Variants in MAP3K1 observed in about 807,000 individuals in gnomAD.
The protein encoded by MAP3K1 is mitogen-activated protein kinase kinase kinase 1, also known as MAP/ERK kinase kinase 1.
In MAP3K1, 36 loss-of-function variants were observed where a neutral mutation model predicts 144.2. The observed-to-expected ratio is 0.25, with a 90% CI of 0.19 to 0.33. The LOEUF (loss-of-function observed/expected upper bound fraction) is 0.33. Among genes scored for constraint, MAP3K1 ranks in the 10% least tolerant of loss-of-function variants. The pLI is 1.00. For missense variants in MAP3K1, 1,650 were observed against 1,881.9 expected (o/e 0.88, Z 2.28); for synonymous variants, 718 against 688.7 (o/e 1.04, Z -0.67).
At chr5:56,840,151 G>GT (rs1363561362) in intron 1 of MAP3K1, among the ~76,000 whole-genome samples, 1 of 152,026 alleles carries the variant, frequency 6.6e-6, no homozygotes, top group African/African-American at 2.4e-5. Flanking sequence ...TTGTTTGTTT[G>GT]TTTTTTGTTT....
Position 56,894,828 on chromosome 5 carries a change from T to TGTGTTCAGAAA in MAP3K1, c.*1149_*1150insTGTTCAGAAAG, listed in dbSNP as rs1748655387. ...ATGTTTTTAAACAGTACATTTGCTTTGAACTTGGAAAATGTGTTCAGAAAG... is the reference window on the plus strand; with the variant it reads ...ATGTTTTTAAACAGTACATTTGCTTTGTGTTCAGAAAGAACTTGGAAAATGTGTTCAGAAAG... On this transcript the variant is annotated 3_prime_UTR_variant, in exon 20 of 20. Transcript: ENST00000399503. The TGTGTTCAGAAA allele has an allele frequency of 4.3e-6, 1 of 232,070 alleles. No individual in the cohort carries two copies. The highest frequency in any genetic ancestry group is 2.2e-5 in the African/African-American group (1 of 45,316). 14.4% of individuals were successfully genotyped at this position (232,070 alleles called of 1,614,324 possible). A position where few individuals can be genotyped will look rare whatever the true frequency, so the allele number is the denominator to read the frequency against.
At chr5:56,847,699 A>G (rs1030181574) in intron 1 of MAP3K1, among the ~76,000 whole-genome samples, 2 of 152,256 alleles carry the variant, frequency 1.3e-5, no homozygotes, top group Non-Finnish European at 2.9e-5. Context: ...TAATCATAAA[A>G]TAATCTTGAA....
intron 1 of MAP3K1, among the ~76,000 whole-genome samples, chr5:56,845,044 C>T (rs1746947500): frequency 6.6e-6 from 1 of 152,190 alleles, no homozygotes; most frequent in South Asian, 2.1e-4. Flanking sequence ...GTTATCCCCT[C>T]TTCTCCTTTA....
In MAP3K1 at chr5:56,864,616, G is replaced by T. The variant is rs12657005; in HGVS notation, c.835-118G>T. The T allele has an allele frequency of 9.9e-5, 98 of 987,894 alleles. No individual in the cohort carries two copies. The East Asian group carries it at 1.7e-3, about 18-fold the overall frequency. The allele number at this position is 987,894 out of a possible 1,614,324, so 61.2% of individuals were successfully genotyped here. A position where few individuals can be genotyped will look rare whatever the true frequency, so the allele number is the denominator to read the frequency against. On this transcript the variant is annotated intron_variant, in intron 3 of 19. Transcript: ENST00000399503. ...TCTGGATCTCCTGACCTCATGATCCGCCCTCCTCGGCCTCCCAAAGTGCTG... is the reference window on the plus strand; with the variant it reads ...TCTGGATCTCCTGACCTCATGATCCTCCCTCCTCGGCCTCCCAAAGTGCTG...
At chr5:56,846,314 A>T (rs985402754) in intron 1 of MAP3K1, among the ~76,000 whole-genome samples, 2 of 152,220 alleles carry the variant, frequency 1.3e-5, no homozygotes, top group Admixed American at 6.5e-5. Context: ...GTCTTAGGTC[A>T]CAATAGAACT....
In MAP3K1 at chr5:56,838,534, A is replaced by T. The variant is rs185761352; in HGVS notation, c.483-18066A>T. On this transcript the variant is annotated intron_variant, in intron 1 of 19. Transcript: ENST00000399503. ...TAATGATTCAGACTATATTTAGGAC[A>T]GGATGTTAGAGTTAATGTGCCTTCT... Among the ~76,000 whole-genome samples, 7 of 152,358 alleles carry T rather than the reference A, an allele frequency of 4.6e-5. No homozygotes were observed. In the East Asian group the frequency reaches 1.2e-3, roughly 25 times the overall value.
intron 1 of MAP3K1, among the ~76,000 whole-genome samples, chr5:56,816,824 G>T (rs75307949): frequency 6.6e-6 from 1 of 152,254 alleles, no homozygotes; most frequent in Non-Finnish European, 1.5e-5. Context: ...AATGCGAACT[G>T]CACTGCTAAG....
At chr5:56,848,993 A>G (rs964723697) in intron 1 of MAP3K1, among the ~76,000 whole-genome samples, 2 of 152,244 alleles carry the variant, frequency 1.3e-5, no homozygotes, top group African/African-American at 4.8e-5. Flanking sequence ...ATGTTTGCAC[A>G]CAATACTTAA....
chr5:56,889,359 G>A (rs1318254896), intron 19 of MAP3K1, among the ~76,000 whole-genome samples: 2 of 152,094 alleles, frequency 1.3e-5, no homozygotes, highest in African/African-American at 4.8e-5. Context: ...AGTAGAGATG[G>A]AGTTTCACCA....
At chr5:56,892,699 A>G (rs1748583967) in intron 19 of MAP3K1, among the ~76,000 whole-genome samples, 1 of 152,206 alleles carries the variant, frequency 6.6e-6, no homozygotes, top group Non-Finnish European at 1.5e-5. Context: ...AATTATTTTT[A>G]GGAATGCATT....
At chr5:56,871,728 G>A (rs915275206) in intron 6 of MAP3K1, among the ~76,000 whole-genome samples, 182 bp from the exon 7 acceptor site, 2 of 152,118 alleles carry the variant, frequency 1.3e-5, no homozygotes, top group African/African-American at 4.8e-5. Flanking sequence ...AAATACTCGT[G>A]TGTTAATCTG....
intron 1 of MAP3K1, among the ~76,000 whole-genome samples, chr5:56,846,347 A>T (rs1268993903): frequency 6.6e-6 from 1 of 152,212 alleles, no homozygotes; most frequent in Non-Finnish European, 1.5e-5. Flanking sequence ...GCTTCATTCT[A>T]GTCCAATTTG....
Position 56,882,720 on chromosome 5 carries a change from A to C in MAP3K1, c.3520A>C (p.Asn1174His), listed in dbSNP as rs530094038. The C allele has an allele frequency of 1.9e-6, 3 of 1,613,842 alleles. No individual in the cohort carries two copies. The highest frequency in any genetic ancestry group is 1.7e-6 in the Non-Finnish European group (2 of 1,179,880). ...DDTYKDDVNH[N>H]QKCKEKMEAE... ...TACCTACAAAGATGATGTGAATCAT[A>C]ATCAAAAGTGCAAAGAGAAGATGGA... Residue 1174 changes from asparagine to histidine, a missense_variant, in exon 14 of 20, where the codon AAT becomes CAT. Physicochemically the swap from Asn to His is moderately conservative, Grantham distance 68. Coordinates refer to ENST00000399503, the MANE Select transcript of MAP3K1 (RefSeq NM_005921.2).
Position 56,865,824 on chromosome 5 carries a change from G to A in MAP3K1, c.1153-5G>A. The A allele has an allele frequency of 6.2e-7, 1 of 1,613,856 alleles. No homozygotes were observed. Among genetic ancestry groups the A allele is most frequent in the Non-Finnish European group, 8.5e-7 (1 of 1,179,814 alleles). On this transcript the variant is annotated splice_region_variant and splice_polypyrimidine_tract_variant and intron_variant, in intron 5 of 19. Coordinates refer to ENST00000399503, the MANE Select transcript of MAP3K1 (RefSeq NM_005921.2). ...ATCATTGTTACTGTCTTTTTCCAAT[G>A]TTAGGTTGAGAGTTTGTTCCAGAAA...
At chr5:56,887,646 A>G (rs1328765036) in intron 18 of MAP3K1, 126 bp downstream of exon 18, 9 of 1,002,916 alleles carry the variant, frequency 9.0e-6, no homozygotes, top group African/African-American at 1.6e-5. Flanking sequence ...GGCCCTTAAA[A>G]TACGGTTTTA....
chr5:56,830,848 T>G (rs1746463833), intron 1 of MAP3K1, among the ~76,000 whole-genome samples: 1 of 152,080 alleles, frequency 6.6e-6, no homozygotes, highest in Non-Finnish European at 1.5e-5. Flanking sequence ...TCACAAAATT[T>G]TGCCCAAAGA....
At chr5:56,835,542 C>T (rs1204920375) in intron 1 of MAP3K1, among the ~76,000 whole-genome samples, 2 of 151,730 alleles carry the variant, frequency 1.3e-5, no homozygotes, top group East Asian at 2.0e-4. Flanking sequence ...CTACAGAGGA[C>T]GTGGGTTAAT....
chr5:56,894,376 AAAAAT>A lies in MAP3K1; in HGVS notation c.*697_*701del, dbSNP rs1409279404. 2 of 232,634 alleles carry A rather than the reference AAAAAT, an allele frequency of 8.6e-6. No individual in the cohort carries two copies. The highest frequency in any genetic ancestry group is 1.7e-5 in the Non-Finnish European group (2 of 117,756). The allele number at this position is 232,634 out of a possible 1,614,324, so 14.4% of individuals were successfully genotyped here. On this transcript the variant is annotated 3_prime_UTR_variant, in exon 20 of 20. Transcript: ENST00000399503. ...TGATCTTTTTTTCAAACCAGAAAAA[AAAAAT>A]GAACTAGATATGAAGTAGAGTTCAT...
chr5:56,833,418 CTGACA>C, intron 1 of MAP3K1, among the ~76,000 whole-genome samples: 1 of 152,266 alleles, frequency 6.6e-6, no homozygotes, highest in East Asian at 1.9e-4. Context: ...CCCAGACTGT[CTGACA>C]TGCTTCTCAT....
Sources: gnomAD v4.1 joint callset for allele counts (sites outside exome capture counted in the v4.1 genomes callset) on GRCh38, gnomAD v4.1.1 for gene constraint, MANE v1.5 for transcripts, NCBI Gene and HGNC (gene_info 2026-07-23, HGNC 2026-07-21) for gene names.